SBSPON: variants seen among roughly 807,000 people sequenced by gnomAD.
The protein encoded by SBSPON is somatomedin B and thrombospondin type 1 domain containing.
Under a neutral mutation model 35.8 loss-of-function variants are expected in SBSPON, and 30 were observed. The observed-to-expected ratio is 0.84, with a 90% CI of 0.63 to 1.14. The LOEUF (loss-of-function observed/expected upper bound fraction) is 1.14, where lower values mean the gene tolerates loss of function less well. Ranked by LOEUF, SBSPON falls within the 50% of genes most tolerant of loss-of-function variation. The pLI, the probability that SBSPON is intolerant of heterozygous loss-of-function variation, is 0.00. For synonymous variants in SBSPON, 136 were observed against 135.9 expected, an observed-to-expected ratio of 1.00 and a Z score of 0.00; for missense variants, 364 against 357.7, an observed-to-expected ratio of 1.02 and a Z score of -0.14.
intron 2 of SBSPON, 128 bp from the exon 3 acceptor site, chr8:73,071,998 G>T: frequency 1.6e-6 from 1 of 641,922 alleles, no homozygotes; most frequent in South Asian, 1.8e-5. Flanking sequence ...ACACCATCAA[G>T]GTGTGAAATG....
Position 73,064,698 on chromosome 8 carries a change from C to T in SBSPON, c.*2643G>A, listed in dbSNP as rs986520191. On this transcript the variant is annotated 3_prime_UTR_variant, in exon 5 of 5. Transcript: ENST00000297354. ...TAACATTCTCGAATAAAAACCAAAG[C>T]AAAACTCCAAAAAGAATACTGTGAT... is the stretch of plus-strand genomic sequence containing the variant. 6 of 151,166 alleles carry T rather than the reference C, an allele frequency of 4.0e-5. No homozygotes were observed. Among genetic ancestry groups the T allele is most frequent in the African/African-American group, 1.5e-4 (6 of 41,132 alleles). 9.4% of individuals were successfully genotyped at this position (151,166 alleles called of 1,614,324 possible).
rs1810365081 is a variant in SBSPON at position 73,065,268 on chromosome 8, TATA to T, written c.*2070_*2072del. ...TATACACCTCAATTATGTTAAATGTTATAACACATATCGGAACTATAAAAGCAC... is the reference window on the plus strand; with the variant it reads ...TATACACCTCAATTATGTTAAATGTTACACATATCGGAACTATAAAAGCAC... On this transcript the variant is annotated 3_prime_UTR_variant, in exon 5 of 5. Coordinates refer to ENST00000297354, the MANE Select transcript of SBSPON (RefSeq NM_153225.4). 1 of 152,180 alleles carries T rather than the reference TATA, an allele frequency of 6.6e-6. No homozygotes were observed. Among genetic ancestry groups the T allele is most frequent in the African/African-American group, 2.4e-5 (1 of 41,442 alleles). 9.4% of individuals were successfully genotyped at this position (152,180 alleles called of 1,614,324 possible).
At chr8:73,075,849 T>C (rs1176727461) in intron 2 of SBSPON, 3 of 448,868 alleles carry the variant, frequency 6.7e-6, no homozygotes, top group African/African-American at 2.2e-5. Context: ...GGAAAACACA[T>C]ATATATAAAC....
intron 1 of SBSPON, among the ~76,000 whole-genome samples, chr8:73,088,501 G>A (rs61043367): frequency 0.1 from 15,203 of 152,128 alleles, 1,931 homozygotes; most frequent in African/African-American, 0.29. Flanking sequence ...TGGGCAACAT[G>A]GGGAAACTTC....
intron 3 of SBSPON, among the ~76,000 whole-genome samples, chr8:73,070,673 G>C (rs1810478456): frequency 6.6e-6 from 1 of 152,220 alleles, no homozygotes; most frequent in South Asian, 2.1e-4. Flanking sequence ...ACTGGACACT[G>C]AAAGCCCAGG....
chr8:73,087,978 C>T (rs1025844733), intron 1 of SBSPON, among the ~76,000 whole-genome samples: 1 of 152,204 alleles, frequency 6.6e-6, no homozygotes, highest in African/African-American at 2.4e-5. Context: ...TACTTTTCCC[C>T]ATCCCTGGTA....
rs534314116 is a variant in SBSPON at position 73,064,955 on chromosome 8, T to G, written c.*2386A>C. On this transcript the variant is annotated 3_prime_UTR_variant, in exon 5 of 5. Transcript: ENST00000297354. ...GGATAGGGCCCTAAGACTAAGGTAC[T>G]TATTAAAAAAGAGTGCCAAGAGGTC... is the stretch of plus-strand genomic sequence containing the variant. The G allele has an allele frequency of 1.4e-4, 21 of 152,322 alleles. No homozygotes were observed. Among genetic ancestry groups the G allele is most frequent in the Admixed American group, 8.5e-4 (13 of 15,300 alleles). 9.4% of individuals were successfully genotyped at this position (152,322 alleles called of 1,614,324 possible). A position where few individuals can be genotyped will look rare whatever the true frequency, so the allele number is the denominator to read the frequency against.
chr8:73,074,677 C>T lies in SBSPON; in HGVS notation c.410-2807G>A, dbSNP rs138933208. On this transcript the variant is annotated intron_variant, in intron 2 of 4. Coordinates refer to ENST00000297354, the MANE Select transcript of SBSPON (RefSeq NM_153225.4). ...TTGGCTTTATTTTCCCTTTCTGTCACGAATCATTATGCTCTATGTGAAGTC... is the reference window on the plus strand; with the variant it reads ...TTGGCTTTATTTTCCCTTTCTGTCATGAATCATTATGCTCTATGTGAAGTC... The T allele has an allele frequency of 2.3e-3, 1,218 of 534,464 alleles. 10 individuals carry two copies. Among genetic ancestry groups the T allele is most frequent in the African/African-American group, 0.022 (1,064 of 47,874 alleles). 33.1% of individuals were successfully genotyped at this position (534,464 alleles called of 1,614,324 possible).
chr8:73,075,877 A>ACATCATTG, intron 2 of SBSPON: 5 of 257,420 alleles, frequency 1.9e-5, no homozygotes, highest in Non-Finnish European at 3.0e-5. Flanking sequence ...AATGATGTGC[A>ACATCATTG]ACACATTCAG....
chr8:73,079,570 C>T (rs1810655789), intron 2 of SBSPON, among the ~76,000 whole-genome samples: 1 of 151,920 alleles, frequency 6.6e-6, no homozygotes, highest in African/African-American at 2.4e-5. Flanking sequence ...CCCCACATAC[C>T]TCAGCCCCAC....
At chr8:73,084,535 A>T (rs1266869503) in intron 1 of SBSPON, among the ~76,000 whole-genome samples, 3 of 152,066 alleles carry the variant, frequency 2.0e-5, no homozygotes, top group Non-Finnish European at 4.4e-5. Context: ...CTCTGCTCCA[A>T]GTTCAGCCAC....
intron 2 of SBSPON, among the ~76,000 whole-genome samples, chr8:73,076,027 C>A (rs551298464): frequency 4.7e-4 from 71 of 152,274 alleles, no homozygotes; most frequent in Admixed American, 1.4e-3. Flanking sequence ...GCTTCACGGG[C>A]ATTTATATTT....
rs1264815492 is a variant in SBSPON, at chr8:73,074,720, A to G, written c.410-2850T>C. 1.2e-5 allele frequency: 4 copies of G among 322,340 alleles called. No individual in the cohort carries two copies. In the East Asian group the frequency reaches 7.0e-4, roughly 56 times the overall value. The allele number at this position is 322,340 out of a possible 1,614,324, so 20.0% of individuals were successfully genotyped here. A position where few individuals can be genotyped will look rare whatever the true frequency, so the allele number is the denominator to read the frequency against. On this transcript the variant is annotated intron_variant, in intron 2 of 4. Coordinates refer to ENST00000297354, the MANE Select transcript of SBSPON (RefSeq NM_153225.4). ...GTGAAGTCAGATTTAAGAAAGGAAA[A>G]GAGAAACTTTTAGCCCCTTGTATCT...
chr8:73,072,450 T>A (rs1323112877), intron 2 of SBSPON, among the ~76,000 whole-genome samples: 2 of 151,962 alleles, frequency 1.3e-5, no homozygotes, highest in Non-Finnish European at 2.9e-5. Flanking sequence ...GGGTGGATCA[T>A]CTGAGGTCAG....
intron 1 of SBSPON, 114 bp from the exon 2 acceptor site, chr8:73,081,327 G>T: frequency 1.2e-6 from 1 of 857,894 alleles, no homozygotes; most frequent in Non-Finnish European, 1.7e-6. Context: ...CCTGGCCCCA[G>T]GCCCTGTATC....
chr8:73,065,029 A>G lies in SBSPON; in HGVS notation c.*2312T>C, dbSNP rs1441468034. The stretch of plus-strand genomic sequence containing the variant: ...TGAAAATAAAAACTTTTGGTTTTTC[A>G]TTCATCACTTGGACTACATGTTTCA... On this transcript the variant is annotated 3_prime_UTR_variant, in exon 5 of 5. Coordinates refer to ENST00000297354, the MANE Select transcript of SBSPON (RefSeq NM_153225.4). 1.3e-5 allele frequency: 2 copies of G among 152,168 alleles called. No homozygotes were observed. The highest frequency in any genetic ancestry group is 2.9e-5 in the Non-Finnish European group (2 of 68,032). 9.4% of individuals were successfully genotyped at this position (152,168 alleles called of 1,614,324 possible). A position where few individuals can be genotyped will look rare whatever the true frequency, so the allele number is the denominator to read the frequency against.
chr8:73,071,726 C>T, intron 3 of SBSPON, 54 bp downstream of exon 3: 1 of 1,086,760 alleles, frequency 9.2e-7, no homozygotes, highest in East Asian at 2.4e-5. Context: ...CTTGCATTGA[C>T]TTGACTATAC....
In SBSPON at chr8:73,065,019, T is replaced by G. The variant is rs1006173174; in HGVS notation, c.*2322A>C. On this transcript the variant is annotated 3_prime_UTR_variant, in exon 5 of 5. Transcript: ENST00000297354. ...TTTTTAAATTTGAAAATAAAAACTTTTGGTTTTTCATTCATCACTTGGACT... is the reference window on the plus strand; with the variant it reads ...TTTTTAAATTTGAAAATAAAAACTTGTGGTTTTTCATTCATCACTTGGACT... 5 of 152,214 alleles carry G rather than the reference T, an allele frequency of 3.3e-5. No homozygotes were observed. Among genetic ancestry groups the G allele is most frequent in the African/African-American group, 9.7e-5 (4 of 41,446 alleles). 9.4% of individuals were successfully genotyped at this position (152,214 alleles called of 1,614,324 possible).
intron 1 of SBSPON, among the ~76,000 whole-genome samples, chr8:73,088,568 G>A (rs779004784): frequency 6.6e-5 from 10 of 152,034 alleles, no homozygotes; most frequent in South Asian, 6.3e-4. Context: ...CAGCTACTCC[G>A]GGAGCTGAGG....
Sources: allele counts gnomAD v4.1 joint callset (sites outside exome capture counted in the v4.1 genomes callset), GRCh38; gene constraint gnomAD v4.1.1; transcripts MANE v1.5; gene names NCBI Gene and HGNC (gene_info 2026-07-23, HGNC 2026-07-21).